The following UNC13C variants were observed in gnomAD, a reference collection of about 807,000 sequenced individuals.
UNC13C encodes the protein protein unc-13 homolog C.
A neutral mutation model predicts 245.4 loss-of-function variants in UNC13C; 174 were observed. The ratio of observed to expected loss-of-function variants is 0.71; its 90% CI spans 0.63 to 0.80. The LOEUF is 0.80. Among genes scored for constraint, UNC13C ranks in the 30% least tolerant of loss-of-function variants. The probability of loss-of-function intolerance (pLI) is 0.00; values close to 1 mark genes in which losing one functional copy is unlikely to be tolerated. For missense variants in UNC13C, 2,829 were observed against 2,602.9 expected (o/e 1.09, Z -1.89); for synonymous variants, 992 against 895.1 (o/e 1.11, Z -1.93).
At chr15:54,107,235 C>A (rs1488030962) in intron 2 of UNC13C, among the ~76,000 whole-genome samples, 1 of 151,810 alleles carries the variant, frequency 6.6e-6, no homozygotes, top group African/African-American at 2.4e-5. Context: ...TTTTAATACA[C>A]CAATAATTGA....
At chr15:54,026,881 G>A (rs1408162566) in intron 2 of UNC13C, among the ~76,000 whole-genome samples, 3 of 152,044 alleles carry the variant, frequency 2.0e-5, no homozygotes, top group Non-Finnish European at 4.4e-5. Flanking sequence ...AATCATATTT[G>A]GTCTTTGTCT....
At chr15:54,168,122 C>G (rs949679156) in intron 4 of UNC13C, among the ~76,000 whole-genome samples, 3 of 152,006 alleles carry the variant, frequency 2.0e-5, no homozygotes, top group African/African-American at 7.2e-5. Flanking sequence ...TAGGGTATGC[C>G]TTTAAGCATT....
chr15:54,532,937 AGT>A lies in UNC13C; in HGVS notation c.5570_5571del (p.Cys1857TyrfsTer20). 1 of 1,561,128 alleles carries A rather than the reference AGT, an allele frequency of 6.4e-7. No individual in the cohort carries two copies. Among genetic ancestry groups the A allele is most frequent in the Non-Finnish European group, 8.7e-7 (1 of 1,145,774 alleles). On this transcript the variant is annotated frameshift_variant, in exon 26 of 33. Transcript: ENST00000260323. LOFTEE classifies it high-confidence loss of function. ...TTTAGTTTCCAGGTTATAATTGAAG[AGT>A]GTATAAAACAGATGAGTTTCGAACT...
At chr15:54,369,425 C>T (rs990287428) in intron 17 of UNC13C, among the ~76,000 whole-genome samples, 3 of 152,106 alleles carry the variant, frequency 2.0e-5, no homozygotes, top group South Asian at 2.1e-4. Context: ...CCATTTAGAT[C>T]ACTGTTCCCC....
At chr15:54,151,281 C>G (rs940642654) in intron 4 of UNC13C, among the ~76,000 whole-genome samples, 2 of 152,114 alleles carry the variant, frequency 1.3e-5, no homozygotes, top group Admixed American at 1.3e-4. Context: ...AAAAGTTATT[C>G]CCCCAAATCA....
intron 30 of UNC13C, among the ~76,000 whole-genome samples, chr15:54,584,049 C>A (rs1392078781): frequency 6.6e-6 from 1 of 152,156 alleles, no homozygotes; most frequent in Non-Finnish European, 1.5e-5. Context: ...TAAGAGATTT[C>A]TTCTGTTCCT....
intron 19 of UNC13C, among the ~76,000 whole-genome samples, chr15:54,462,314 C>T (rs545480912): frequency 4.6e-5 from 7 of 152,324 alleles, no homozygotes; most frequent in East Asian, 1.9e-4. Context: ...GGCCCTCATT[C>T]GCTCTCAGTG....
At chr15:53,906,241 A>G in the UNC13C span, among the ~76,000 whole-genome samples, 1 of 152,126 alleles carries the variant, frequency 6.6e-6, no homozygotes, top group African/African-American at 2.4e-5. Context: ...TGGGAGGATC[A>G]TCTGAGCATG....
chr15:54,070,397 A>T (rs556587414), intron 2 of UNC13C, among the ~76,000 whole-genome samples: 73 of 152,276 alleles, frequency 4.8e-4, no homozygotes, highest in Middle Eastern at 6.8e-3. Flanking sequence ...GACTAAGTGG[A>T]ATATGTAAGT....
intron 4 of UNC13C, among the ~76,000 whole-genome samples, chr15:54,180,707 A>G (rs1459008833): frequency 6.6e-6 from 1 of 151,994 alleles, no homozygotes; most frequent in Non-Finnish European, 1.5e-5. Flanking sequence ...GTGAAATGGT[A>G]TCTCATTGTA....
chr15:54,495,047 G>C (rs547121247), intron 20 of UNC13C, among the ~76,000 whole-genome samples: 24 of 152,074 alleles, frequency 1.6e-4, no homozygotes, highest in Admixed American at 1.2e-3. Context: ...TTTGGGGAAA[G>C]TATGGTGCTT....
chr15:54,194,684 G>A (rs1000618219), intron 4 of UNC13C, among the ~76,000 whole-genome samples: 6 of 152,132 alleles, frequency 3.9e-5, no homozygotes, highest in African/African-American at 1.4e-4. Context: ...GGACTCAGGA[G>A]TGGAGTGGGT....
chr15:54,569,755 T>A (rs1037848728), intron 30 of UNC13C, among the ~76,000 whole-genome samples: 6 of 152,204 alleles, frequency 3.9e-5, no homozygotes, highest in African/African-American at 1.2e-4. Flanking sequence ...TTACTCTTAG[T>A]TTATTTCCTG....
At chr15:54,169,997 T>C (rs1354249737) in intron 4 of UNC13C, among the ~76,000 whole-genome samples, 3 of 73,896 alleles carry the variant, frequency 4.1e-5, no homozygotes, top group Admixed American at 1.3e-4. Context: ...TTTTTCTTTT[T>C]TTTTTTTTTT....
At chr15:54,593,858 C>G (rs1310905619) in intron 30 of UNC13C, among the ~76,000 whole-genome samples, 1 of 152,070 alleles carries the variant, frequency 6.6e-6, no homozygotes, top group Non-Finnish European at 1.5e-5. Flanking sequence ...TGGTTTAGAT[C>G]CATTGCTGGT....
intron 17 of UNC13C, among the ~76,000 whole-genome samples, chr15:54,345,003 T>C (rs778621756): frequency 1.3e-5 from 2 of 152,196 alleles, no homozygotes; most frequent in African/African-American, 4.8e-5. Context: ...GCATAGAATG[T>C]TTTAAGGCCC....
chr15:54,079,999 T>C (rs1898849775), intron 2 of UNC13C, among the ~76,000 whole-genome samples: 3 of 102,766 alleles, frequency 2.9e-5, no homozygotes, highest in Admixed American at 2.1e-4. Context: ...GCCTGGTTTG[T>C]CGAGCGGTTT....
At chr15:54,174,034 G>T (rs1280237073) in intron 4 of UNC13C, among the ~76,000 whole-genome samples, 1 of 152,026 alleles carries the variant, frequency 6.6e-6, no homozygotes, top group South Asian at 2.1e-4. Flanking sequence ...GTATTCTTAT[G>T]ATAAACTTCA....
chr15:54,458,146 A>G (rs1891636382), intron 19 of UNC13C, among the ~76,000 whole-genome samples: 1 of 152,084 alleles, frequency 6.6e-6, no homozygotes, highest in Admixed American at 6.6e-5. Context: ...TTGTTGATCC[A>G]AATATCATTC....
Sources: gnomAD v4.1 joint callset for allele counts (sites outside exome capture counted in the v4.1 genomes callset) on GRCh38, gnomAD v4.1.1 for gene constraint, MANE v1.5 for transcripts, NCBI Gene and HGNC (gene_info 2026-07-23, HGNC 2026-07-21) for gene names.